EYS: variants seen among roughly 807,000 people sequenced by gnomAD.
The protein encoded by EYS is protein eyes shut homolog.
Under a neutral mutation model 282.1 loss-of-function variants are expected in EYS, and 250 were observed. That is an observed-to-expected ratio of 0.89 (90% CI 0.80 to 0.98). EYS has a LOEUF of 0.98. Ranked by LOEUF, EYS falls within the 50% of genes least tolerant of loss-of-function variation. The pLI, the probability that EYS is intolerant of heterozygous loss-of-function variation, is 0.00. For synonymous variants in EYS, 1,355 were observed against 1,282.9 expected (o/e 1.06, Z -1.20); for missense variants, 4,016 against 3,709.0 (o/e 1.08, Z -2.15).
chr6:64,185,117 A>G (rs1764894336), intron 31 of EYS, among the ~76,000 whole-genome samples: 1 of 152,140 alleles, frequency 6.6e-6, no homozygotes, highest in Admixed American at 6.6e-5. Context: ...CCTTCACTAG[A>G]CACCAAATCT....
intron 2 of EYS, among the ~76,000 whole-genome samples, chr6:65,612,744 T>C (rs1191602426): frequency 6.7e-6 from 1 of 149,462 alleles, no homozygotes; most frequent in Non-Finnish European, 1.5e-5. Context: ...TATTAATCTT[T>C]ATTCTGGTAT....
chr6:65,089,430 T>C (rs1474864868), intron 12 of EYS, among the ~76,000 whole-genome samples: 1 of 152,130 alleles, frequency 6.6e-6, no homozygotes, highest in Non-Finnish European at 1.5e-5. Flanking sequence ...CTTAAAGGTT[T>C]AATGACTGCC....
chr6:65,073,708 T>A (rs115485721), intron 12 of EYS, among the ~76,000 whole-genome samples: 6,353 of 151,954 alleles, frequency 0.042, 237 homozygotes, highest in Non-Finnish European at 0.06. Flanking sequence ...CTTATTTTAT[T>A]GAGACTAGAC....
chr6:64,089,563 C>T (rs1364932208), intron 31 of EYS, among the ~76,000 whole-genome samples: 1 of 151,180 alleles, frequency 6.6e-6, no homozygotes, highest in Middle Eastern at 3.5e-3. Context: ...CCACATTATA[C>T]ATTTTTGCTT....
intron 36 of EYS, among the ~76,000 whole-genome samples, chr6:63,807,639 T>G (rs115426755): frequency 0.012 from 1,804 of 152,318 alleles, 30 homozygotes; most frequent in African/African-American, 0.042. Flanking sequence ...TTTGATATTT[T>G]ATTAAAATCT....
intron 31 of EYS, among the ~76,000 whole-genome samples, chr6:64,211,267 T>C (rs1444211940): frequency 6.6e-6 from 1 of 152,160 alleles, no homozygotes; most frequent in African/African-American, 2.4e-5. Flanking sequence ...TTATTTTTAA[T>C]TGGCAAATGT....
intron 12 of EYS, among the ~76,000 whole-genome samples, chr6:65,087,585 G>A (rs1227414611): frequency 2.0e-5 from 3 of 152,098 alleles, no homozygotes; most frequent in Admixed American, 6.6e-5. Flanking sequence ...GGTATCAGAT[G>A]TCAACACTCA....
At chr6:63,984,212 G>A (rs1767241740) in intron 35 of EYS, among the ~76,000 whole-genome samples, 171 bp downstream of exon 35, 1 of 151,622 alleles carries the variant, frequency 6.6e-6, no homozygotes, top group South Asian at 2.1e-4. Context: ...ACATTTCTTT[G>A]GACAAACAAG....
chr6:63,750,104 A>C (rs907983741), intron 41 of EYS, among the ~76,000 whole-genome samples: 1 of 151,996 alleles, frequency 6.6e-6, no homozygotes, highest in African/African-American at 2.4e-5. Flanking sequence ...CTGTTTTTTA[A>C]TATAGTTTAT....
chr6:64,080,712 C>A (rs1456917885), intron 32 of EYS, among the ~76,000 whole-genome samples: 1 of 151,544 alleles, frequency 6.6e-6, no homozygotes, highest in Non-Finnish European at 1.5e-5. Context: ...AGTCTTTAAT[C>A]CATCTTGAAT....
At chr6:64,224,854 A>G (rs1766209168) in intron 31 of EYS, among the ~76,000 whole-genome samples, 2 of 152,032 alleles carry the variant, frequency 1.3e-5, no homozygotes, top group South Asian at 4.1e-4. Flanking sequence ...TTGTGTTGAA[A>G]TAAAGAAGAG....
intron 5 of EYS, among the ~76,000 whole-genome samples, chr6:65,477,644 AT>A (rs1211420039): frequency 2.0e-5 from 3 of 152,122 alleles, no homozygotes; most frequent in Non-Finnish European, 4.4e-5. Flanking sequence ...CAGTTATTAC[AT>A]TTTTTTCACT....
intron 5 of EYS, among the ~76,000 whole-genome samples, chr6:65,465,111 A>G (rs1038460774): frequency 1.3e-5 from 2 of 152,186 alleles, no homozygotes; most frequent in African/African-American, 4.8e-5. Flanking sequence ...ATATTCAAGA[A>G]CATACAATGT....
intron 13 of EYS, among the ~76,000 whole-genome samples, chr6:65,004,408 A>G (rs1433198964): frequency 6.8e-6 from 1 of 147,568 alleles, no homozygotes; most frequent in Non-Finnish European, 1.5e-5. Flanking sequence ...ACTATGTTAC[A>G]TTCTACAATG....
intron 22 of EYS, among the ~76,000 whole-genome samples, chr6:64,732,370 T>C: frequency 6.6e-6 from 1 of 152,170 alleles, no homozygotes. Flanking sequence ...GTAAATGTTT[T>C]AACACACTAG....
intron 39 of EYS, among the ~76,000 whole-genome samples, chr6:63,781,487 A>C (rs1770224766): frequency 6.6e-6 from 1 of 152,044 alleles, no homozygotes; most frequent in Non-Finnish European, 1.5e-5. Context: ...TTGGATTCCT[A>C]GGTATTTTAC....
At chr6:64,928,626 AAC>A (rs1768595305) in intron 15 of EYS, among the ~76,000 whole-genome samples, 2 of 152,152 alleles carry the variant, frequency 1.3e-5, no homozygotes, top group South Asian at 4.1e-4. Context: ...TTTGCATTAA[AAC>A]AATTCATCAT....
chr6:64,051,830 A>G (rs143245308), intron 33 of EYS, among the ~76,000 whole-genome samples: 2 of 152,258 alleles, frequency 1.3e-5, no homozygotes, highest in Non-Finnish European at 2.9e-5. Context: ...TTTTCTTTAT[A>G]TATAATAGGA....
chr6:64,186,001 T>C (rs1764927674), intron 31 of EYS, among the ~76,000 whole-genome samples: 1 of 152,092 alleles, frequency 6.6e-6, no homozygotes, highest in African/African-American at 2.4e-5. Context: ...TTTCAGGTAA[T>C]AACCATCAGG....
Sources: gnomAD v4.1 joint callset for allele counts (sites outside exome capture counted in the v4.1 genomes callset) on GRCh38, gnomAD v4.1.1 for gene constraint, MANE v1.5 for transcripts, NCBI Gene and HGNC (gene_info 2026-07-23, HGNC 2026-07-21) for gene names.